Variants in NAV2 observed in about 807,000 individuals in gnomAD.
NAV2 encodes the protein neuron navigator 2, also known as helicase, APC down-regulated 1.
In NAV2, 54 loss-of-function variants were observed where a neutral mutation model predicts 223.2. That is an observed-to-expected ratio of 0.24 (90% CI 0.19 to 0.30). The LOEUF (loss-of-function observed/expected upper bound fraction) is 0.30, where lower values mean the gene tolerates loss of function less well. Ranked by LOEUF, NAV2 falls within the 10% of genes least tolerant of loss-of-function variation. The pLI, the probability that NAV2 is intolerant of heterozygous loss-of-function variation, is 1.00. For missense variants in NAV2, 2,806 were observed against 3,147.5 expected (o/e 0.89, Z 2.60); for synonymous variants, 1,279 against 1,239.3 (o/e 1.03, Z -0.67).
intron 1 of NAV2, among the ~76,000 whole-genome samples, chr11:19,551,197 C>A (rs913559528): frequency 6.6e-6 from 1 of 152,272 alleles, no homozygotes; most frequent in Non-Finnish European, 1.5e-5. Context: ...TGCCCTGCAG[C>A]ACCATCACTT....
intron 24 of NAV2, among the ~76,000 whole-genome samples, chr11:20,079,463 A>G (rs1476791703): frequency 6.6e-6 from 1 of 152,202 alleles, no homozygotes; most frequent in Non-Finnish European, 1.5e-5. Context: ...TTCTGTCCTC[A>G]TGAGAAAAAC....
chr11:19,537,156 G>A (rs1333095356), intron 1 of NAV2, among the ~76,000 whole-genome samples: 2 of 152,088 alleles, frequency 1.3e-5, no homozygotes, highest in Admixed American at 6.6e-5. Flanking sequence ...AGAAATCGAG[G>A]AGAACTGCAA....
Position 19,510,525 on chromosome 11 carries a change from C to T in NAV2, c.75+159498C>T, listed in dbSNP as rs1199657546. 2.6e-5 allele frequency among the ~76,000 whole-genome samples: 4 copies of T among 152,216 alleles called. No individual in the cohort carries two copies. In the South Asian group the frequency reaches 6.2e-4, roughly 24 times the overall value. ...TCGGGCGATCCTAGCAGATGCCTCACAAGGGTGTAAATATTTTTATTCCAA... is the reference window on the plus strand; with the variant it reads ...TCGGGCGATCCTAGCAGATGCCTCATAAGGGTGTAAATATTTTTATTCCAA... On this transcript the variant is annotated intron_variant, in intron 1 of 37. Coordinates refer to the NAV2 transcript ENST00000360655.
At chr11:19,530,063 G>A (rs1333866507) in intron 1 of NAV2, among the ~76,000 whole-genome samples, 5 of 152,152 alleles carry the variant, frequency 3.3e-5, no homozygotes, top group Non-Finnish European at 7.3e-5. Flanking sequence ...GGTGGCAGCT[G>A]GAGGGTCAGA....
rs778451212 is a variant in NAV2, at chr11:20,105,552, C to T, written c.6666C>T (p.His2222=). Residue 2222 remains histidine, a synonymous_variant, in exon 35 of 38, where the codon CAC becomes CAT. Transcript: ENST00000349880. ...CCAGATGGGTGCTTTGTGCCAACCA[C>T]ACGGAGCCTGTGAAGGGTTTCCTTG... ...HNFRWVLCAN[H]TEPVKGFLGR... 18 of 1,613,888 alleles carry T rather than the reference C, an allele frequency of 1.1e-5. No individual in the cohort carries two copies. The East Asian group carries it at 4.0e-4, about 36-fold the overall frequency.
chr11:19,357,674 C>T (rs1454557460), intron 1 of NAV2, among the ~76,000 whole-genome samples: 2 of 152,118 alleles, frequency 1.3e-5, no homozygotes, highest in African/African-American at 4.8e-5. Context: ...CATAAAATTC[C>T]TTCTGGTTTA....
chr11:19,715,315 C>G (rs369778188), intron 1 of NAV2, among the ~76,000 whole-genome samples: 2 of 152,106 alleles, frequency 1.3e-5, no homozygotes, highest in African/African-American at 4.8e-5. Flanking sequence ...TCCAGTGCTC[C>G]GGGGGCCTGC....
intron 10 of NAV2, among the ~76,000 whole-genome samples, chr11:19,973,571 G>C (rs7118660): frequency 0.02 from 3,002 of 152,306 alleles, 107 homozygotes; most frequent in African/African-American, 0.069. Context: ...ATTGGTGAAA[G>C]CCAAGACCCA....
intron 1 of NAV2, among the ~76,000 whole-genome samples, chr11:19,579,663 T>C (rs1302100010): frequency 6.6e-6 from 1 of 152,216 alleles, no homozygotes; most frequent in Non-Finnish European, 1.5e-5. Flanking sequence ...AATGCAATGA[T>C]ATGTGTTAGG....
chr11:20,096,351 G>A (rs1024509635), intron 30 of NAV2, among the ~76,000 whole-genome samples: 2 of 152,194 alleles, frequency 1.3e-5, no homozygotes, highest in African/African-American at 4.8e-5. Flanking sequence ...GTACCAGGGT[G>A]AACCTTGAAA....
chr11:19,801,626 T>C (rs989013515), intron 1 of NAV2, among the ~76,000 whole-genome samples: 10 of 152,120 alleles, frequency 6.6e-5, no homozygotes, highest in African/African-American at 1.7e-4. Context: ...GCTAACACCA[T>C]TGGGGACTAC....
At chr11:19,404,800 A>G (rs988540492) in intron 1 of NAV2, among the ~76,000 whole-genome samples, 2 of 152,218 alleles carry the variant, frequency 1.3e-5, no homozygotes, top group African/African-American at 4.8e-5. Flanking sequence ...CAATGAATTC[A>G]TGATTAAATT....
chr11:19,496,268 A>C (rs1245981177), intron 1 of NAV2, among the ~76,000 whole-genome samples: 1 of 152,256 alleles, frequency 6.6e-6, no homozygotes, highest in Non-Finnish European at 1.5e-5. Flanking sequence ...TCATGGCTTA[A>C]AACAATAAAC....
intron 2 of NAV2, among the ~76,000 whole-genome samples, chr11:19,836,083 G>T (rs1413198156): frequency 6.6e-6 from 1 of 152,066 alleles, no homozygotes; most frequent in African/African-American, 2.4e-5. Flanking sequence ...AGAGGATTAG[G>T]GATAAGAATT....
intron 1 of NAV2, among the ~76,000 whole-genome samples, chr11:19,540,151 G>T (rs1257111370): frequency 6.6e-6 from 1 of 152,022 alleles, no homozygotes; most frequent in Non-Finnish European, 1.5e-5. Context: ...AGAGCCAGGG[G>T]GCCCCGCCTG....
intron 35 of NAV2, 26 bp downstream of exon 35, chr11:20,105,753 G>T: frequency 1.3e-6 from 2 of 1,592,466 alleles, no homozygotes; most frequent in Non-Finnish European, 8.6e-7. Flanking sequence ...GGGTCAGGGG[G>T]GCGGGCTGGC....
chr11:19,378,680 G>A (rs538630393), intron 1 of NAV2, among the ~76,000 whole-genome samples: 1 of 152,222 alleles, frequency 6.6e-6, no homozygotes, highest in South Asian at 2.1e-4. Context: ...CTTCGTGTCT[G>A]CCAGTGCTCT....
At chr11:20,018,374 A>AAT (rs2054195059) in intron 11 of NAV2, among the ~76,000 whole-genome samples, 1 of 150,508 alleles carries the variant, frequency 6.6e-6, no homozygotes, top group Non-Finnish European at 1.5e-5. Flanking sequence ...AAAAAAAAAA[A>AAT]GTGAAACTAA....
At chr11:19,770,103 T>G (rs2055587847) in intron 1 of NAV2, among the ~76,000 whole-genome samples, 1 of 151,548 alleles carries the variant, frequency 6.6e-6, no homozygotes. Flanking sequence ...TGAGGGCAAC[T>G]CCTTTCTAAA....
Sources: gnomAD v4.1 joint callset for allele counts (sites outside exome capture counted in the v4.1 genomes callset) on GRCh38, gnomAD v4.1.1 for gene constraint, MANE v1.5 for transcripts, NCBI Gene and HGNC (gene_info 2026-07-23, HGNC 2026-07-21) for gene names.